Variants in MAPK10 observed in about 807,000 individuals in gnomAD.
MAPK10 encodes the protein JNK3 alpha protein kinase.
In MAPK10, 25 loss-of-function variants were observed where a neutral mutation model predicts 59.3. The observed-to-expected ratio is 0.42, with a 90% CI of 0.31 to 0.59. MAPK10 has a LOEUF of 0.59. Ranked by LOEUF, MAPK10 falls within the 20% of genes least tolerant of loss-of-function variation. MAPK10 has a pLI of 0.15. For missense variants in MAPK10, 351 were observed against 568.9 expected, an observed-to-expected ratio of 0.62 and a Z score of 3.90; for synonymous variants, 190 against 200.5, an observed-to-expected ratio of 0.95 and a Z score of 0.44.
At chr4:86,099,372 A>C (rs2054885148) in intron 8 of MAPK10, 1 of 152,372 alleles carries the variant, frequency 6.6e-6, no homozygotes, top group South Asian at 2.1e-4. Context: ...TTGTTAGGAA[A>C]ACATGCTTTG....
intron 2 of MAPK10, among the ~76,000 whole-genome samples, chr4:86,316,464 T>G (rs564763913): frequency 2.4e-4 from 37 of 152,286 alleles, no homozygotes; most frequent in Middle Eastern, 6.8e-3. Flanking sequence ...CAGGGATATC[T>G]CACAGTAAAT....
At chr4:86,427,540 T>C (rs943528529) in intron 1 of MAPK10, among the ~76,000 whole-genome samples, 6 of 152,158 alleles carry the variant, frequency 3.9e-5, no homozygotes, top group Non-Finnish European at 4.4e-5. Context: ...ACCTAAGTTC[T>C]ATCCCACATC....
At chr4:86,196,077 T>G (rs1000730080) in intron 2 of MAPK10, among the ~76,000 whole-genome samples, 1 of 152,210 alleles carries the variant, frequency 6.6e-6, no homozygotes, top group African/African-American at 2.4e-5. Context: ...CCTTTGGATA[T>G]ATACCCAGTA....
At chr4:86,025,298 T>G (rs143412997) in intron 13 of MAPK10, 8 of 386,524 alleles carry the variant, frequency 2.1e-5, no homozygotes, top group Non-Finnish European at 3.2e-5. Flanking sequence ...TATTTGCTTC[T>G]GTATGACTCC....
At chr4:86,082,590 T>A (rs1047525442) in intron 9 of MAPK10, among the ~76,000 whole-genome samples, 1 of 151,694 alleles carries the variant, frequency 6.6e-6, no homozygotes, top group Non-Finnish European at 1.5e-5. Context: ...GGCCAGGAGG[T>A]TTTGCAAAAG....
chr4:86,498,091 G>C (rs539086028), intron 1 of MAPK10, among the ~76,000 whole-genome samples: 1 of 152,214 alleles, frequency 6.6e-6, no homozygotes, highest in East Asian at 1.9e-4. Context: ...TGTGCTTTCT[G>C]TTTTGGCTGC....
intron 2 of MAPK10, among the ~76,000 whole-genome samples, chr4:86,204,438 AAATT>A (rs2083354616): frequency 6.6e-6 from 1 of 151,996 alleles, no homozygotes; most frequent in Non-Finnish European, 1.5e-5. Context: ...AGTGGGAAGA[AAATT>A]AATTAACATT....
At chr4:86,142,476 T>G (rs564087794) in intron 4 of MAPK10, among the ~76,000 whole-genome samples, 42 of 152,276 alleles carry the variant, frequency 2.8e-4, no homozygotes, top group African/African-American at 9.9e-4. Context: ...GTATCTCTTA[T>G]GTTCAAGACA....
chr4:86,454,587 A>C (rs1419903204), upstream of MAPK10, among the ~76,000 whole-genome samples: 1 of 152,112 alleles, frequency 6.6e-6, no homozygotes, highest in Non-Finnish European at 1.5e-5. Flanking sequence ...AAAGACAAAA[A>C]AGAGTAAGAA....
intron 1 of MAPK10, among the ~76,000 whole-genome samples, chr4:86,436,117 C>T (rs1475165452): frequency 6.6e-6 from 1 of 152,216 alleles, no homozygotes; most frequent in Admixed American, 6.5e-5. Flanking sequence ...AAGCAGGGAA[C>T]TTGGAGAGTT....
At chr4:86,458,535 C>T (rs1330692308) in intron 1 of MAPK10, among the ~76,000 whole-genome samples, 1 of 152,024 alleles carries the variant, frequency 6.6e-6, no homozygotes, top group East Asian at 1.9e-4. Flanking sequence ...AGGCCATAGT[C>T]ATCAAAACAG....
At chr4:86,356,869 A>T (rs1269462581) in intron 1 of MAPK10, 1 of 152,120 alleles carries the variant, frequency 6.6e-6, no homozygotes, top group African/African-American at 2.4e-5. Flanking sequence ...TATAGGCCCA[A>T]CTTTTTCCAC....
intron 13 of MAPK10, among the ~76,000 whole-genome samples, chr4:86,019,489 T>G (rs1165447969): frequency 6.6e-6 from 1 of 152,188 alleles, no homozygotes; most frequent in Non-Finnish European, 1.5e-5. Flanking sequence ...CTTTACTTAA[T>G]TATATCCCCC....
At chr4:86,456,732 A>C (rs1178500264), upstream of MAPK10, among the ~76,000 whole-genome samples, 1 of 152,226 alleles carries the variant, frequency 6.6e-6, no homozygotes, top group Non-Finnish European at 1.5e-5. Context: ...AGACATTCAA[A>C]GAAGAATTGA....
chr4:86,361,705 T>C (rs927089879), upstream of MAPK10, among the ~76,000 whole-genome samples: 1 of 151,998 alleles, frequency 6.6e-6, no homozygotes, highest in African/African-American at 2.4e-5. Context: ...TTCAGACTTA[T>C]AAGAACAGGA....
At chr4:86,249,003 T>C (rs948587900) in intron 2 of MAPK10, among the ~76,000 whole-genome samples, 1 of 152,086 alleles carries the variant, frequency 6.6e-6, no homozygotes, top group African/African-American at 2.4e-5. Flanking sequence ...CACAGGAAAA[T>C]ATAGAACTAA....
rs1174805889 is a variant in MAPK10 at position 86,159,285 on chromosome 4, C to G, written c.236+13G>C. 1.3e-6 allele frequency: 2 copies of G among 1,584,966 alleles called. No individual in the cohort carries two copies. Among genetic ancestry groups the G allele is most frequent in the East Asian group, 2.3e-5 (1 of 43,902 alleles). ...TGTTCCCTTTAAAAATACAGCAAAT[C>G]CATTCCGCTTACCAAACTATGCCCT... On this transcript the variant is annotated intron_variant, in intron 4 of 13. Transcript: ENST00000641462.
chr4:86,326,016 A>G (rs2096013522), intron 2 of MAPK10: 2 of 152,204 alleles, frequency 1.3e-5, no homozygotes, highest in South Asian at 4.1e-4. Context: ...TAAGGGCTAT[A>G]ATAAAGATAT....
At chr4:86,043,604 G>T (rs1253501454) in intron 11 of MAPK10, among the ~76,000 whole-genome samples, 1 of 152,132 alleles carries the variant, frequency 6.6e-6, no homozygotes, top group Non-Finnish European at 1.5e-5. Flanking sequence ...AAATGAAAGA[G>T]ACTAGAACAT....
Sources: allele counts gnomAD v4.1 joint callset (sites outside exome capture counted in the v4.1 genomes callset), GRCh38; gene constraint gnomAD v4.1.1; transcripts MANE v1.5; gene names NCBI Gene and HGNC (gene_info 2026-07-23, HGNC 2026-07-21).